The following KIF1B variants were observed in gnomAD, a reference collection of about 807,000 sequenced individuals.
KIF1B encodes kinesin family member 1B.
A neutral mutation model predicts 241.9 loss-of-function variants in KIF1B; 76 were observed. That is an observed-to-expected ratio of 0.31 (90% CI 0.26 to 0.38). The LOEUF (loss-of-function observed/expected upper bound fraction) is 0.38. Among genes scored for constraint, KIF1B ranks in the 10% least tolerant of loss-of-function variants. KIF1B has a pLI of 1.00. For synonymous variants in KIF1B, 750 were observed against 796.7 expected (o/e 0.94, Z 0.99); for missense variants, 1,622 against 2,271.4 (o/e 0.71, Z 5.81).
At position 10,371,139 on chromosome 1, in the gene KIF1B, A is replaced by G; in HGVS notation, c.4825-2A>G. ...AACTTGTAGTGTTCGGTTTGCTTCC[A>G]GTTGTCTGATATCTCTCCAATTGGA... On this transcript the variant is annotated splice_acceptor_variant, in intron 44 of 48. Transcript: ENST00000676179. LOFTEE classifies it high-confidence loss of function. 4 of 1,614,098 alleles carry G rather than the reference A, an allele frequency of 2.5e-6. No homozygotes were observed. Among genetic ancestry groups the G allele is most frequent in the Non-Finnish European group, 3.4e-6 (4 of 1,180,018 alleles).
chr1:10,297,437 G>T (rs999816304), intron 22 of KIF1B, among the ~76,000 whole-genome samples, 191 bp downstream of exon 22: 2 of 152,100 alleles, frequency 1.3e-5, no homozygotes, highest in African/African-American at 4.8e-5. Context: ...GTCCACAGAG[G>T]TACTCTTTTG....
chr1:10,245,763 A>T (rs1557661625), intron 2 of KIF1B, among the ~76,000 whole-genome samples: 1 of 152,194 alleles, frequency 6.6e-6, no homozygotes, highest in Non-Finnish European at 1.5e-5. Context: ...AGATAGCCTG[A>T]ACTCATTCTT....
At chr1:10,220,397 T>TAGATAGATAGATAGATAGATGATA (rs1553160022) in intron 1 of KIF1B, among the ~76,000 whole-genome samples, 1 of 144,170 alleles carries the variant, frequency 6.9e-6, no homozygotes, top group African/African-American at 2.6e-5. Context: ...GATAGATAGA[T>TAGATAGATAGATAGATAGATGATA]GATAGATAGA....
chr1:10,321,622 C>G (rs544005197), intron 23 of KIF1B, 87 bp from the exon 24 acceptor site: 1 of 1,420,776 alleles, frequency 7.0e-7, no homozygotes, highest in South Asian at 1.2e-5. Flanking sequence ...AACACCTCAC[C>G]TTGGTAAAAG....
Position 10,296,660 on chromosome 1 carries a change from G to A in KIF1B, c.1856G>A (p.Arg619His), listed in dbSNP as rs202061430. Reference protein sequence around the residue: ...GKRVSQPVQLRSGNRIIMGKN... With the variant: ...GKRVSQPVQLHSGNRIIMGKN... ...AGGGTGTCCCAGCCTGTTCAGCTGC[G>A]CTCAGGTGAGACTGGGAGAGGTTTG... The change falls in exon 20 of 49, where the codon CGC (arginine) becomes CAC (histidine). Residue 619 changes from arginine (R) to histidine (H), a missense_variant. Arg to His is a conservative substitution (Grantham distance 29, BLOSUM62 0). Transcript: ENST00000676179. The A allele has an allele frequency of 1.1e-5, 17 of 1,613,682 alleles. No homozygotes were observed. The highest frequency in any genetic ancestry group is 1.7e-5 in the Admixed American group (1 of 60,002).
intron 1 of KIF1B, 148 bp from the exon 2 acceptor site, chr1:10,232,102 A>T (rs1646991018): frequency 2.0e-6 from 1 of 493,060 alleles, no homozygotes; most frequent in Non-Finnish European, 3.7e-6. Context: ...ACAAAACAAA[A>T]CAAAAGATTT....
chr1:10,372,849 C>T (rs1215523663), intron 45 of KIF1B, among the ~76,000 whole-genome samples: 3 of 150,656 alleles, frequency 2.0e-5, no homozygotes, highest in East Asian at 2.0e-4. Flanking sequence ...GTTTTGCTCT[C>T]GTTGCCCACG....
At chr1:10,281,487 T>C (rs1002492391) in intron 14 of KIF1B, among the ~76,000 whole-genome samples, 6 of 152,192 alleles carry the variant, frequency 3.9e-5, no homozygotes, top group Admixed American at 3.9e-4. Context: ...TTCCTAAAAC[T>C]TGCATTTTAT....
chr1:10,321,766 C>T lies in KIF1B; in HGVS notation c.2267C>T (p.Ser756Phe). The change falls in exon 24 of 49, where the codon TCT becomes TTT. Residue 756 changes from serine to phenylalanine, a missense_variant. This residue lies in a region of KIF1B where 803 missense variants were observed against 1,112.0 expected (regional missense o/e 0.72). Coordinates refer to ENST00000676179, the MANE Select transcript of KIF1B (RefSeq NM_001365951.3). Reference sequence around the variant, plus strand: ...CAATGGGCCTTCCGGAAATGGAAGTCTCATCAGTTTACTTCATTACGGGAC... The same window carrying T: ...CAATGGGCCTTCCGGAAATGGAAGTTTCATCAGTTTACTTCATTACGGGAC... Reference protein sequence around the residue: ...LAQWAFRKWKSHQFTSLRDLL... With the variant: ...LAQWAFRKWKFHQFTSLRDLL... 6.2e-7 allele frequency: 1 copy of T among 1,614,068 alleles called. No individual in the cohort carries two copies. The highest frequency in any genetic ancestry group is 8.5e-7 in the Non-Finnish European group (1 of 1,179,918).
rs141583495 is a variant in KIF1B at position 10,372,654 on chromosome 1, GGTGACAGA to G, written c.4946+1394_4946+1401del. Among the ~76,000 whole-genome samples the G allele has an allele frequency of 9.6e-3, 1,210 of 126,272 alleles. 16 individuals are homozygous for G. The highest frequency in any genetic ancestry group is 0.035 in the African/African-American group (1,118 of 32,368). 82.8% of individuals were successfully genotyped at this position (126,272 alleles called of 152,430 possible). A position where few individuals can be genotyped will look rare whatever the true frequency, so the allele number is the denominator to read the frequency against. Reference sequence around the variant, plus strand: ...GATTGCGCCGCTGCGCGCCAGCTTGGGTGACAGAGCTGTCACCCAAGCTGGCGCGCAGC... The same window carrying G: ...GATTGCGCCGCTGCGCGCCAGCTTGGGCTGTCACCCAAGCTGGCGCGCAGC... On this transcript the variant is annotated intron_variant, in intron 45 of 48. Coordinates refer to ENST00000676179, the MANE Select transcript of KIF1B (RefSeq NM_001365951.3).
chr1:10,255,161 C>G (rs1179168539), intron 2 of KIF1B, among the ~76,000 whole-genome samples: 1 of 151,936 alleles, frequency 6.6e-6, no homozygotes, highest in East Asian at 2.0e-4. Flanking sequence ...GTTCGCCAGG[C>G]TAGTCTCGAA....
intron 22 of KIF1B, chr1:10,305,951 C>T (rs1015126449): frequency 1.8e-5 from 19 of 1,053,810 alleles, no homozygotes; most frequent in Non-Finnish European, 2.1e-5. Flanking sequence ...ATCTATCAAA[C>T]ACTTGTCTTC....
rs372972101 is a variant in KIF1B at position 10,324,818 on chromosome 1, C to A, written c.2598C>A (p.Ala866=). 2 of 1,614,084 alleles carry A rather than the reference C, an allele frequency of 1.2e-6. No individual in the cohort carries two copies. Among genetic ancestry groups the A allele is most frequent in the African/African-American group, 2.7e-5 (2 of 75,016 alleles). The change falls in exon 26 of 49, where the codon GCC becomes GCA. Residue 866 remains alanine (A), a synonymous_variant. Transcript: ENST00000676179. Reference sequence around the variant, plus strand: ...GGGCAGGGGAGATGGCCTCCAGTGCCCAAGACGAAAGCGAAACCACTGTGA... The same window carrying A: ...GGGCAGGGGAGATGGCCTCCAGTGCACAAGACGAAAGCGAAACCACTGTGA... ...YDRAGEMASS[A]QDESETTVTG...
At chr1:10,369,742 G>C (rs1330011478) in intron 44 of KIF1B, among the ~76,000 whole-genome samples, 3 of 152,144 alleles carry the variant, frequency 2.0e-5, no homozygotes, top group Non-Finnish European at 2.9e-5. Flanking sequence ...CGACCAGCCT[G>C]ACCAACATGG....
rs201700319 is a variant in KIF1B, at chr1:10,252,567, A to G, written c.107-3680A>G. 7.3e-5 allele frequency among the ~76,000 whole-genome samples: 11 copies of G among 151,642 alleles called. No individual in the cohort carries two copies. The East Asian group carries it at 1.6e-3, about 22-fold the overall frequency. ...GCTGGGAGTGCAGGCACACACCACCATGCCTAGCTAACTTTTGTATTTTTT... is the reference window on the plus strand; with the variant it reads ...GCTGGGAGTGCAGGCACACACCACCGTGCCTAGCTAACTTTTGTATTTTTT... On this transcript the variant is annotated intron_variant, in intron 2 of 48. Coordinates refer to ENST00000676179, the MANE Select transcript of KIF1B (RefSeq NM_001365951.3).
chr1:10,360,228 A>G (rs891817168), intron 38 of KIF1B, among the ~76,000 whole-genome samples: 1 of 152,070 alleles, frequency 6.6e-6, no homozygotes, highest in Non-Finnish European at 1.5e-5. Flanking sequence ...CCAAGCATTC[A>G]CTTCCTGCTG....
intron 27 of KIF1B, among the ~76,000 whole-genome samples, chr1:10,334,208 G>A (rs970755177): frequency 2.7e-5 from 4 of 148,918 alleles, no homozygotes; most frequent in African/African-American, 5.0e-5. Flanking sequence ...CAACCTGCCC[G>A]AGCAGCATTC....
chr1:10,307,955 G>T (rs1441414523), intron 22 of KIF1B: 1 of 1,054,022 alleles, frequency 9.5e-7, no homozygotes, highest in Admixed American at 5.5e-5. Flanking sequence ...GTAATGTGAT[G>T]AATGGGAATT....
Position 10,344,187 on chromosome 1 carries a change from A to G in KIF1B, c.3688+900A>G, listed in dbSNP as rs528186778. ...TTTCTGAGCACGCCAGTGTGCTTGCATCCTCCGCTATTGCCACCTTCCAGG... is the reference window on the plus strand; with the variant it reads ...TTTCTGAGCACGCCAGTGTGCTTGCGTCCTCCGCTATTGCCACCTTCCAGG... On this transcript the variant is annotated intron_variant, in intron 34 of 48. Transcript: ENST00000676179. Among the ~76,000 whole-genome samples, 3 of 152,318 alleles carry G rather than the reference A, an allele frequency of 2.0e-5. No individual in the cohort carries two copies. In the South Asian group the frequency reaches 6.2e-4, roughly 32 times the overall value.
Sources: allele counts gnomAD v4.1 joint callset (sites outside exome capture counted in the v4.1 genomes callset), GRCh38; gene constraint gnomAD v4.1.1; regional missense constraint gnomAD v4.1.1; transcripts MANE v1.5; gene names NCBI Gene and HGNC (gene_info 2026-07-23, HGNC 2026-07-21).